HS6ST3: variants seen among roughly 807,000 people sequenced by gnomAD.
HS6ST3 encodes heparan sulfate 6-O-sulfotransferase 3.
Under a neutral mutation model 36.7 loss-of-function variants are expected in HS6ST3, and 12 were observed. The observed-to-expected ratio is 0.33, with a 90% confidence interval of 0.21 to 0.53. The LOEUF is 0.53. Among genes scored for constraint, HS6ST3 ranks in the 20% least tolerant of loss-of-function variants. HS6ST3 has a pLI of 0.95. For missense variants in HS6ST3, 584 were observed against 640.9 expected (o/e 0.91, Z 0.96); for synonymous variants, 240 against 257.5 (o/e 0.93, Z 0.65).
chr13:96,154,015 A>G (rs1480550476), intron 1 of HS6ST3, among the ~76,000 whole-genome samples: 1 of 152,182 alleles, frequency 6.6e-6, no homozygotes, highest in Non-Finnish European at 1.5e-5. Context: ...CAGTTGTAAT[A>G]TGGGAAAGCT....
intron 1 of HS6ST3, among the ~76,000 whole-genome samples, chr13:96,518,744 CTTATA>C (rs2056082325): frequency 6.6e-6 from 1 of 152,126 alleles, no homozygotes; most frequent in South Asian, 2.1e-4. Flanking sequence ...TAATTATCCA[CTTATA>C]TTGTGTTCCT....
chr13:96,292,213 TGTG>T (rs2054833509), intron 1 of HS6ST3, among the ~76,000 whole-genome samples: 3 of 24,230 alleles, frequency 1.2e-4, no homozygotes, highest in African/African-American at 3.5e-4. Context: ...AGAGTAAATG[TGTG>T]TGTGTGTGTG....
chr13:96,148,365 A>G (rs1385224287), intron 1 of HS6ST3, among the ~76,000 whole-genome samples: 1 of 152,200 alleles, frequency 6.6e-6, no homozygotes, highest in Non-Finnish European at 1.5e-5. Flanking sequence ...AATTAATTCA[A>G]AGGTGGGAGA....
intron 1 of HS6ST3, among the ~76,000 whole-genome samples, chr13:96,619,344 CTTCTT>C (rs901683458): frequency 2.0e-4 from 30 of 152,146 alleles, no homozygotes; most frequent in African/African-American, 6.8e-4. Context: ...TTTTCTATGA[CTTCTT>C]TTCAGTTAAT....
At chr13:96,367,513 C>A (rs920582863) in intron 1 of HS6ST3, among the ~76,000 whole-genome samples, 11 of 152,192 alleles carry the variant, frequency 7.2e-5, no homozygotes, top group African/African-American at 2.7e-4. Flanking sequence ...TACACTCTTA[C>A]TATGCTTTCT....
intron 1 of HS6ST3, among the ~76,000 whole-genome samples, chr13:96,217,656 A>G (rs914815553): frequency 6.6e-6 from 1 of 152,234 alleles, no homozygotes; most frequent in Admixed American, 6.5e-5. Context: ...GCAGGATCTT[A>G]AAGTTTAGTC....
At chr13:96,140,674 G>A (rs201131993) in intron 1 of HS6ST3, among the ~76,000 whole-genome samples, 6 of 152,198 alleles carry the variant, frequency 3.9e-5, no homozygotes, top group South Asian at 2.1e-4. Context: ...AAAGGAAACC[G>A]TGAAGCCATT....
At chr13:96,272,682 T>C (rs897611809) in intron 1 of HS6ST3, among the ~76,000 whole-genome samples, 15 of 152,006 alleles carry the variant, frequency 9.9e-5, no homozygotes, top group Admixed American at 2.6e-4. Flanking sequence ...TTAATTAAAG[T>C]CAGAGTTTTC....
chr13:96,176,663 A>G (rs974235228), intron 1 of HS6ST3, among the ~76,000 whole-genome samples: 5 of 152,202 alleles, frequency 3.3e-5, no homozygotes, highest in African/African-American at 4.8e-5. Flanking sequence ...CAAAATCCAA[A>G]CTTTGAGAAA....
intron 1 of HS6ST3, among the ~76,000 whole-genome samples, chr13:96,794,057 G>A (rs1385829761): frequency 6.6e-6 from 1 of 151,972 alleles, no homozygotes; most frequent in Non-Finnish European, 1.5e-5. Context: ...AGGAAGAATG[G>A]AATCATGGAG....
intron 1 of HS6ST3, among the ~76,000 whole-genome samples, chr13:96,613,492 T>A (rs573896793): frequency 5.3e-5 from 8 of 152,318 alleles, no homozygotes; most frequent in African/African-American, 7.2e-5. Context: ...GCACTGAGAA[T>A]GTGACCTGGC....
intron 1 of HS6ST3, among the ~76,000 whole-genome samples, chr13:96,622,656 C>A (rs939449754): frequency 6.6e-6 from 1 of 152,144 alleles, no homozygotes; most frequent in African/African-American, 2.4e-5. Context: ...GCTTTCTGTA[C>A]TATCTACTTT....
At chr13:96,616,961 A>T (rs752630339) in intron 1 of HS6ST3, among the ~76,000 whole-genome samples, 1 of 152,242 alleles carries the variant, frequency 6.6e-6, no homozygotes, top group Non-Finnish European at 1.5e-5. Flanking sequence ...TTAAAAGGTC[A>T]TCTCTTCTTT....
chr13:96,296,828 A>G (rs1027074839), intron 1 of HS6ST3, among the ~76,000 whole-genome samples: 18 of 152,096 alleles, frequency 1.2e-4, no homozygotes, highest in African/African-American at 4.3e-4. Flanking sequence ...CAATTTTGCT[A>G]TATCGTCCCT....
At chr13:96,548,038 A>G (rs1427243818) in intron 1 of HS6ST3, among the ~76,000 whole-genome samples, 1 of 152,162 alleles carries the variant, frequency 6.6e-6, no homozygotes, top group Non-Finnish European at 1.5e-5. Flanking sequence ...AAACAAACCT[A>G]ATCTTTTTAC....
At chr13:96,096,423 G>C (rs573044123) in intron 1 of HS6ST3, among the ~76,000 whole-genome samples, 1 of 152,332 alleles carries the variant, frequency 6.6e-6, no homozygotes, top group East Asian at 1.9e-4. Flanking sequence ...TGGGGAAAGG[G>C]TTAGCCTGGA....
At chr13:96,147,904 A>G (rs2139321313) in intron 1 of HS6ST3, among the ~76,000 whole-genome samples, 1 of 152,344 alleles carries the variant, frequency 6.6e-6, no homozygotes, top group South Asian at 2.1e-4. Context: ...AGCCTACCAT[A>G]TGTGTTATTG....
At chr13:96,283,724 G>A (rs1223236285) in intron 1 of HS6ST3, among the ~76,000 whole-genome samples, 1 of 152,078 alleles carries the variant, frequency 6.6e-6, no homozygotes, top group African/African-American at 2.4e-5. Flanking sequence ...ATGTTTCTAA[G>A]GCATTTCTGT....
rs200021006 is a variant in HS6ST3 at position 96,090,911 on chromosome 13, C to T, written c.49C>T (p.Leu17Phe). The T allele has an allele frequency of 4.6e-5, 69 of 1,514,582 alleles. No individual in the cohort carries two copies. Among genetic ancestry groups the T allele is most frequent in the Non-Finnish European group, 5.7e-5 (64 of 1,126,826 alleles). The allele number at this position is 1,514,582 out of a possible 1,614,324, so 93.8% of individuals were successfully genotyped here. ...GCTGCTGACGCCGGTGCTCACTCTC[C>T]TCTTCGTGGTCATCATGTACCAGTA... ...KWLLTPVLTL[L>F]FVVIMYQYVS... The change falls in exon 1 of 2, where the codon CTC becomes TTC. Residue 17 changes from leucine to phenylalanine, a missense_variant. Transcript: ENST00000376705.
Sources: gnomAD v4.1 joint callset for allele counts (sites outside exome capture counted in the v4.1 genomes callset) on GRCh38, gnomAD v4.1.1 for gene constraint, MANE v1.5 for transcripts, NCBI Gene and HGNC (gene_info 2026-07-23, HGNC 2026-07-21) for gene names.